Variants in SMYD3 observed in about 807,000 individuals in gnomAD.
The protein encoded by SMYD3 is histone-lysine N-methyltransferase SMYD3.
SMYD3 carries 36 observed loss-of-function variants against 57.7 expected under a neutral mutation model. The observed-to-expected ratio is 0.62, with a 90% CI of 0.48 to 0.82. SMYD3 has a LOEUF of 0.82. Ranked by LOEUF, SMYD3 falls within the 40% of genes least tolerant of loss-of-function variation. The pLI is 0.00. For missense variants in SMYD3, 515 were observed against 538.8 expected, an observed-to-expected ratio of 0.96 and a Z score of 0.44; for synonymous variants, 211 against 195.0, an observed-to-expected ratio of 1.08 and a Z score of -0.68.
chr1:246,278,227 C>T (rs550874852), intron 5 of SMYD3, among the ~76,000 whole-genome samples: 1 of 145,626 alleles, frequency 6.9e-6, no homozygotes, highest in South Asian at 2.2e-4. Flanking sequence ...CCCTTTCCGT[C>T]TCCCCTCTGT....
At chr1:246,163,425 C>T (rs779241323) in intron 5 of SMYD3, among the ~76,000 whole-genome samples, 1 of 152,286 alleles carries the variant, frequency 6.6e-6, no homozygotes, top group African/African-American at 2.4e-5. Context: ...ATTTTATAGG[C>T]TTATACATAT....
chr1:245,888,493 A>G (rs182983827), intron 8 of SMYD3, among the ~76,000 whole-genome samples: 20 of 152,284 alleles, frequency 1.3e-4, no homozygotes, highest in Admixed American at 9.2e-4. Flanking sequence ...TGCTTTATCA[A>G]AAGAGCACTG....
At chr1:245,864,547 C>G (rs35183884) in intron 8 of SMYD3, among the ~76,000 whole-genome samples, 84,563 of 152,084 alleles carry the variant, frequency 0.56, 26,682 homozygotes, top group Non-Finnish European at 0.73. Context: ...ATGGATATGA[C>G]ATGCCCAGAA....
intron 5 of SMYD3, among the ~76,000 whole-genome samples, chr1:246,098,308 C>T (rs1010394641): frequency 6.6e-6 from 1 of 152,172 alleles, no homozygotes; most frequent in African/African-American, 2.4e-5. Flanking sequence ...CTAAGAAAGT[C>T]CTAAATCCAA....
chr1:245,927,871 C>A, intron 7 of SMYD3, 60 bp downstream of exon 7: 1 of 1,377,566 alleles, frequency 7.3e-7, no homozygotes, highest in Non-Finnish European at 1.0e-6. Context: ...AGGGACGGGC[C>A]GAGCTGAGAG....
At position 246,459,891 on chromosome 1, in the gene SMYD3, G is replaced by A. The variant is rs115753976; in HGVS notation, c.164+47163C>T. Among the ~76,000 whole-genome samples, 1,331 of 144,350 alleles carry A rather than the reference G, an allele frequency of 9.2e-3. 18 individuals carry two copies. Among genetic ancestry groups the A allele is most frequent in the African/African-American group, 0.032 (1,241 of 38,242 alleles). The allele number at this position is 144,350 out of a possible 152,430, so 94.7% of individuals were successfully genotyped here. ...TGAACTGAAGATTCTTCTGTCATTT[G>A]GCTGCAGAGGAAACCATTCCGCCAC... On this transcript the variant is annotated intron_variant, in intron 1 of 11. Transcript: ENST00000490107.
At chr1:246,450,682 C>T (rs1476917569) in intron 1 of SMYD3, among the ~76,000 whole-genome samples, 1 of 152,202 alleles carries the variant, frequency 6.6e-6, no homozygotes, top group Non-Finnish European at 1.5e-5. Flanking sequence ...ATCCTCCACG[C>T]TGGCACAATG....
rs943401984 is a variant in SMYD3 at position 245,821,200 on chromosome 1, T to G, written c.1076+37296A>C. Among the ~76,000 whole-genome samples the G allele has an allele frequency of 2.8e-4, 42 of 149,980 alleles. 1 individual carries two copies. The highest frequency in any genetic ancestry group is 6.0e-4 in the Admixed American group (9 of 15,018). ...CATGGTACTGGTACCAAAACAGAGA[T>G]ATAGATCAATGGAACAGAACAGAGT... On this transcript the variant is annotated intron_variant, in intron 10 of 11. Coordinates refer to ENST00000490107, the MANE Select transcript of SMYD3 (RefSeq NM_001167740.2).
intron 8 of SMYD3, among the ~76,000 whole-genome samples, chr1:245,868,313 C>A (rs1482362609): frequency 6.6e-6 from 1 of 152,206 alleles, no homozygotes; most frequent in African/African-American, 2.4e-5. Context: ...CTAGTACCTT[C>A]ATGCTTCAAT....
At chr1:245,843,149 C>A (rs1416629017) in intron 10 of SMYD3, among the ~76,000 whole-genome samples, 1 of 152,180 alleles carries the variant, frequency 6.6e-6, no homozygotes, top group Admixed American at 6.5e-5. Flanking sequence ...AATACTCTCC[C>A]ACTCATGATG....
intron 5 of SMYD3, among the ~76,000 whole-genome samples, chr1:246,322,982 T>C (rs150108181): frequency 1.8e-4 from 27 of 152,356 alleles, no homozygotes; most frequent in African/African-American, 6.5e-4. Flanking sequence ...AGGAGGTTGA[T>C]ATATTTCCCT....
intron 1 of SMYD3, among the ~76,000 whole-genome samples, chr1:246,385,157 C>A (rs1173144338): frequency 6.6e-6 from 1 of 152,160 alleles, no homozygotes; most frequent in South Asian, 2.1e-4. Flanking sequence ...TCCAGCATGT[C>A]TTTCAAACTG....
chr1:246,444,372 C>T (rs1246194656), intron 1 of SMYD3, among the ~76,000 whole-genome samples: 2 of 152,124 alleles, frequency 1.3e-5, no homozygotes, highest in Non-Finnish European at 2.9e-5. Flanking sequence ...GATCCACCCG[C>T]CTCGGCCTCC....
intron 5 of SMYD3, among the ~76,000 whole-genome samples, chr1:245,998,212 G>A (rs1231060803): frequency 1.3e-5 from 2 of 152,188 alleles, no homozygotes; most frequent in Admixed American, 1.3e-4. Flanking sequence ...TGCTTCGGTG[G>A]CACCCCACTC....
chr1:246,349,229 A>T (rs2065779119), intron 2 of SMYD3, among the ~76,000 whole-genome samples: 1 of 152,246 alleles, frequency 6.6e-6, no homozygotes, highest in South Asian at 2.1e-4. Context: ...TCTAACAGAT[A>T]ATAGTTTGTT....
intron 5 of SMYD3, among the ~76,000 whole-genome samples, chr1:246,101,787 C>T (rs1422948974): frequency 6.6e-6 from 1 of 152,164 alleles, no homozygotes; most frequent in Non-Finnish European, 1.5e-5. Flanking sequence ...GGTAGGCAAG[C>T]GTAAGATAAA....
At chr1:245,798,501 C>T in intron 10 of SMYD3, among the ~76,000 whole-genome samples, 1 of 138,178 alleles carries the variant, frequency 7.2e-6, no homozygotes, top group South Asian at 2.5e-4. Flanking sequence ...CACACACACA[C>T]ACACCTTGAG....
chr1:245,818,052 C>T (rs1315536545), intron 10 of SMYD3, among the ~76,000 whole-genome samples: 2 of 151,802 alleles, frequency 1.3e-5, no homozygotes, highest in Non-Finnish European at 2.9e-5. Context: ...GAGAACGCCA[C>T]AAAGATACTC....
intron 5 of SMYD3, among the ~76,000 whole-genome samples, chr1:245,949,006 G>A (rs1397711667): frequency 2.0e-5 from 3 of 152,338 alleles, no homozygotes; most frequent in South Asian, 2.1e-4. Context: ...GCCGCTACCA[G>A]CACATCTAGC....
Sources: gnomAD v4.1 joint callset for allele counts (sites outside exome capture counted in the v4.1 genomes callset) on GRCh38, gnomAD v4.1.1 for gene constraint, MANE v1.5 for transcripts, NCBI Gene and HGNC (gene_info 2026-07-23, HGNC 2026-07-21) for gene names.